The following CNTN4 variants were observed in gnomAD, a reference collection of about 807,000 sequenced individuals.
CNTN4 encodes the protein contactin-4.
In CNTN4, 77 loss-of-function variants were observed where a neutral mutation model predicts 122.5. That is an observed-to-expected ratio of 0.63 (90% CI 0.52 to 0.76). CNTN4 has a LOEUF of 0.76. Among genes scored for constraint, CNTN4 ranks in the 30% least tolerant of loss-of-function variants. The pLI, the probability that CNTN4 is intolerant of heterozygous loss-of-function variation, is 0.00. For synonymous variants in CNTN4, 512 were observed against 447.0 expected (o/e 1.15, Z -1.83); for missense variants, 1,256 against 1,259.1 (o/e 1.00, Z 0.04).
chr3:2,207,220 C>T (rs2038400463), intron 2 of CNTN4, among the ~76,000 whole-genome samples: 1 of 151,932 alleles, frequency 6.6e-6, no homozygotes, highest in Non-Finnish European at 1.5e-5. Flanking sequence ...CTCTGAGACA[C>T]AATAATATTG....
intron 14 of CNTN4, among the ~76,000 whole-genome samples, chr3:3,009,867 G>GTACATATGCCTTGT (rs1553724702): frequency 6.6e-6 from 1 of 152,176 alleles, no homozygotes; most frequent in Non-Finnish European, 1.5e-5. Flanking sequence ...ACATGTAGAT[G>GTACATATGCCTTGT]AAGTTCATTG....
At chr3:2,747,185 G>A (rs986114204) in intron 6 of CNTN4, among the ~76,000 whole-genome samples, 48 of 152,086 alleles carry the variant, frequency 3.2e-4, no homozygotes, top group African/African-American at 9.6e-4. Flanking sequence ...CGAGGCGGGC[G>A]GATCACGAGG....
chr3:2,672,249 T>TGTG (rs2084565944), intron 4 of CNTN4, among the ~76,000 whole-genome samples: 1 of 152,202 alleles, frequency 6.6e-6, no homozygotes, highest in Non-Finnish European at 1.5e-5. Context: ...CCTTGAGCTG[T>TGTG]GGTGGGCTCC....
intron 2 of CNTN4, among the ~76,000 whole-genome samples, chr3:2,193,558 A>G (rs1304960827): frequency 6.6e-6 from 1 of 152,222 alleles, no homozygotes; most frequent in South Asian, 2.1e-4. Flanking sequence ...GAAGATGTAC[A>G]GTGTTGTAAG....
chr3:2,837,968 A>T (rs1358614093), intron 7 of CNTN4, among the ~76,000 whole-genome samples: 1 of 152,220 alleles, frequency 6.6e-6, no homozygotes, highest in Non-Finnish European at 1.5e-5. Context: ...AAGTCATCTC[A>T]TCATGTACTA....
At chr3:2,434,672 G>A (rs758089391) in intron 3 of CNTN4, among the ~76,000 whole-genome samples, 4 of 152,152 alleles carry the variant, frequency 2.6e-5, no homozygotes, top group African/African-American at 4.8e-5. Context: ...TTTCTCTGTT[G>A]CAGGCACTTT....
chr3:2,598,510 G>C (rs923449478), intron 4 of CNTN4, among the ~76,000 whole-genome samples: 8 of 152,154 alleles, frequency 5.3e-5, no homozygotes, highest in Admixed American at 2.6e-4. Flanking sequence ...AATTTAGGGT[G>C]TATGTGAGTG....
chr3:2,397,974 T>C lies in CNTN4; in HGVS notation c.-89+58741T>C, dbSNP rs115230864. 3.3e-3 allele frequency among the ~76,000 whole-genome samples: 497 copies of C among 152,288 alleles called. 3 individuals carry two copies. Among genetic ancestry groups the C allele is most frequent in the Non-Finnish European group, 4.6e-3 (311 of 68,010 alleles). On this transcript the variant is annotated intron_variant, in intron 3 of 24. Coordinates refer to ENST00000418658, the MANE Select transcript of CNTN4 (RefSeq NM_175607.3). ...TGTATTCATTCTATTAAAAAATGGC[T>C]AAATATGAAAATGGCTTGAGTGATA...
chr3:3,043,931 A>G (rs935099705), intron 23 of CNTN4, among the ~76,000 whole-genome samples: 5 of 152,220 alleles, frequency 3.3e-5, no homozygotes, highest in African/African-American at 7.2e-5. Flanking sequence ...AGCATCAATC[A>G]GAAATGGATA....
At chr3:2,119,125 A>T (rs981232732) in intron 2 of CNTN4, among the ~76,000 whole-genome samples, 1 of 152,230 alleles carries the variant, frequency 6.6e-6, no homozygotes, top group Non-Finnish European at 1.5e-5. Flanking sequence ...GCCTTCAGAA[A>T]AAAACTGATC....
chr3:2,625,947 C>G (rs2082168705), intron 4 of CNTN4, among the ~76,000 whole-genome samples: 1 of 152,146 alleles, frequency 6.6e-6, no homozygotes, highest in African/African-American at 2.4e-5. Context: ...CTTTCACATT[C>G]TGGACAACAC....
chr3:2,202,312 T>C (rs541164614), intron 2 of CNTN4, among the ~76,000 whole-genome samples: 1 of 152,338 alleles, frequency 6.6e-6, no homozygotes, highest in South Asian at 2.1e-4. Flanking sequence ...ATCAGCTTAA[T>C]GGGTGGTTGC....
At chr3:2,514,420 T>C (rs866639811) in intron 3 of CNTN4, among the ~76,000 whole-genome samples, 1 of 151,678 alleles carries the variant, frequency 6.6e-6, no homozygotes, top group Admixed American at 6.6e-5. Context: ...GGAGGATAGG[T>C]CGAGCCTAGG....
At chr3:2,423,532 T>C (rs2047691501) in intron 3 of CNTN4, among the ~76,000 whole-genome samples, 1 of 151,106 alleles carries the variant, frequency 6.6e-6, no homozygotes, top group Non-Finnish European at 1.5e-5. Flanking sequence ...TTGCCCAAAA[T>C]AGATGCATTA....
intron 4 of CNTN4, among the ~76,000 whole-genome samples, chr3:2,691,526 G>A (rs184147572): frequency 6.6e-6 from 1 of 152,108 alleles, no homozygotes; most frequent in Non-Finnish European, 1.5e-5. Context: ...GTGAAATCAA[G>A]GTGGGAGTTT....
At chr3:2,729,935 T>C (rs1321466013) in intron 4 of CNTN4, among the ~76,000 whole-genome samples, 12 of 152,074 alleles carry the variant, frequency 7.9e-5, no homozygotes, top group Admixed American at 7.9e-4. Flanking sequence ...TAAAATAAAC[T>C]TTAGAATGCA....
At chr3:2,298,502 T>C (rs2042390876) in intron 2 of CNTN4, among the ~76,000 whole-genome samples, 1 of 152,150 alleles carries the variant, frequency 6.6e-6, no homozygotes, top group Non-Finnish European at 1.5e-5. Flanking sequence ...AATTTGAAAA[T>C]TTCTTTCTTC....
intron 13 of CNTN4, among the ~76,000 whole-genome samples, chr3:2,929,493 A>G (rs913336686): frequency 6.6e-6 from 1 of 152,192 alleles, no homozygotes; most frequent in African/African-American, 2.4e-5. Context: ...GTTACAAGTA[A>G]GAGAAACCCA....
chr3:2,243,570 C>G (rs774188792), intron 2 of CNTN4, among the ~76,000 whole-genome samples: 9 of 152,014 alleles, frequency 5.9e-5, no homozygotes, highest in Non-Finnish European at 1.0e-4. Context: ...TGGCCCAAGA[C>G]AACTCTTCTT....
Sources: gnomAD v4.1 joint callset for allele counts (sites outside exome capture counted in the v4.1 genomes callset) on GRCh38, gnomAD v4.1.1 for gene constraint, MANE v1.5 for transcripts, NCBI Gene and HGNC (gene_info 2026-07-23, HGNC 2026-07-21) for gene names.